CPED1: variants seen among roughly 807,000 people sequenced by gnomAD.
The protein encoded by CPED1 is cadherin-like and PC-esterase domain-containing protein 1.
A neutral mutation model predicts 128.2 loss-of-function variants in CPED1; 114 were observed. The ratio of observed to expected loss-of-function variants is 0.89; its 90% CI spans 0.76 to 1.04. CPED1 has a LOEUF of 1.04. Ranked by LOEUF, CPED1 falls within the 50% of genes least tolerant of loss-of-function variation. The pLI is 0.00. For synonymous variants in CPED1, 462 were observed against 426.7 expected (o/e 1.08, Z -1.02); for missense variants, 1,211 against 1,207.1 (o/e 1.00, Z -0.05).
At position 121,127,240 on chromosome 7, in the gene CPED1, AG is replaced by A; in HGVS notation, c.1286del (p.Arg429AsnfsTer14). The A allele has an allele frequency of 6.3e-7, 1 of 1,579,612 alleles. No individual in the cohort carries two copies. The highest frequency in any genetic ancestry group is 2.2e-5 in the East Asian group (1 of 44,474). ...IFSEIFQRLY[R>X]SDVFKGENYQ... is the part of the protein sequence containing the mutation. ...TTCTGAGATATTTCAGAGACTTTAT[AG>A]ATCAGATGTTTTCAAGGTAAGTGCA... On this transcript the variant is annotated frameshift_variant, in exon 10 of 23. Transcript: ENST00000310396. LOFTEE classifies it high-confidence loss of function.
At chr7:121,249,941 G>A (rs1395154934) in intron 18 of CPED1, among the ~76,000 whole-genome samples, 5 of 152,126 alleles carry the variant, frequency 3.3e-5, no homozygotes, top group Non-Finnish European at 5.9e-5. Flanking sequence ...GGATATCCAG[G>A]AATTGAACTC....
intron 2 of CPED1, among the ~76,000 whole-genome samples, chr7:120,990,152 C>T (rs1331045838): frequency 1.3e-5 from 2 of 152,132 alleles, no homozygotes; most frequent in Non-Finnish European, 2.9e-5. Flanking sequence ...GATGTGGATT[C>T]TTTCTAAAAT....
chr7:121,092,647 C>T (rs1283729579), intron 5 of CPED1, among the ~76,000 whole-genome samples: 1 of 152,164 alleles, frequency 6.6e-6, no homozygotes, highest in Non-Finnish European at 1.5e-5. Flanking sequence ...TTATACACTG[C>T]TTAAGAGGTG....
intron 4 of CPED1, among the ~76,000 whole-genome samples, chr7:121,060,391 G>T (rs538416631): frequency 6.6e-6 from 1 of 152,368 alleles, no homozygotes; most frequent in African/African-American, 2.4e-5. Flanking sequence ...GGTGAAGCCA[G>T]CTGAGCTCCT....
Position 121,124,458 on chromosome 7 carries a change from C to A in CPED1, c.1046C>A (p.Pro349Gln). 2 of 1,517,462 alleles carry A rather than the reference C, an allele frequency of 1.3e-6. No individual in the cohort carries two copies. Among genetic ancestry groups the A allele is most frequent in the Non-Finnish European group, 1.8e-6 (2 of 1,131,976 alleles). 94.0% of individuals were successfully genotyped at this position (1,517,462 alleles called of 1,614,324 possible). Residue 349 changes from proline to glutamine, a missense_variant, in exon 8 of 23, where the codon CCA becomes CAA. Transcript: ENST00000310396. ...TTCAGTGAAACATCTACTCTGGGAC[C>A]AAAGACCTTCCATAGGTAAAAAACA... ...EVFSETSTLG[P>Q]KTFHRCRFCF...
intron 18 of CPED1, among the ~76,000 whole-genome samples, chr7:121,246,663 A>G (rs1227746280): frequency 2.6e-5 from 4 of 152,208 alleles, no homozygotes; most frequent in African/African-American, 9.6e-5. Context: ...TAGTGTTTCA[A>G]CATATGCATT....
At chr7:121,011,687 T>G (rs896700908) in intron 2 of CPED1, among the ~76,000 whole-genome samples, 35 of 152,114 alleles carry the variant, frequency 2.3e-4, no homozygotes, top group African/African-American at 8.2e-4. Flanking sequence ...AACATAAGTT[T>G]CCAAGATATG....
intron 4 of CPED1, 88 bp downstream of exon 4, chr7:121,047,081 A>G (rs1036928534): frequency 2.5e-6 from 2 of 791,438 alleles, no homozygotes; most frequent in East Asian, 2.7e-5. Context: ...TAAGAGTCTT[A>G]AAGAATTAGA....
In CPED1 at chr7:121,158,328, A is replaced by G. The variant is rs142650598; in HGVS notation, c.2055+16187A>G. On this transcript the variant is annotated intron_variant, in intron 16 of 22. Coordinates refer to ENST00000310396, the MANE Select transcript of CPED1 (RefSeq NM_024913.5). ...GCTGCACTGACTGGGAGTCTTTGAC[A>G]TCCTCTTTCCCATGCTAAGTCCATC... 1.2e-3 allele frequency among the ~76,000 whole-genome samples: 176 copies of G among 152,304 alleles called. 1 individual carries two copies. Among genetic ancestry groups the G allele is most frequent in the African/African-American group, 4.1e-3 (171 of 41,558 alleles).
intron 16 of CPED1, among the ~76,000 whole-genome samples, chr7:121,215,054 T>C (rs1485311602): frequency 1.3e-5 from 2 of 152,072 alleles, no homozygotes; most frequent in African/African-American, 4.8e-5. Context: ...TTTACTCTTC[T>C]GCCATTTTGT....
At chr7:121,084,346 T>A (rs1215559154) in intron 5 of CPED1, among the ~76,000 whole-genome samples, 1 of 152,094 alleles carries the variant, frequency 6.6e-6, no homozygotes, top group African/African-American at 2.4e-5. Context: ...AAAATTAAGG[T>A]GAAAGTAATT....
intron 16 of CPED1, among the ~76,000 whole-genome samples, chr7:121,235,656 T>C (rs1405984813): frequency 6.6e-6 from 1 of 152,188 alleles, no homozygotes; most frequent in Non-Finnish European, 1.5e-5. Context: ...GTTTGTTGTA[T>C]GATAAGTACT....
At chr7:121,289,099 T>C (rs1792641072) in intron 22 of CPED1, among the ~76,000 whole-genome samples, 1 of 152,090 alleles carries the variant, frequency 6.6e-6, no homozygotes, top group Non-Finnish European at 1.5e-5. Context: ...AGACTATTAA[T>C]CAGTGGTTAA....
At chr7:121,248,746 G>T (rs1798599426) in intron 18 of CPED1, among the ~76,000 whole-genome samples, 1 of 152,022 alleles carries the variant, frequency 6.6e-6, no homozygotes, top group African/African-American at 2.4e-5. Flanking sequence ...GAAAGAATCA[G>T]CCTAAGAATT....
At chr7:121,183,709 A>G (rs1158124458) in intron 16 of CPED1, among the ~76,000 whole-genome samples, 1 of 152,190 alleles carries the variant, frequency 6.6e-6, no homozygotes, top group Non-Finnish European at 1.5e-5. Flanking sequence ...TATGTATTTT[A>G]ATTTTCAGGA....
At chr7:121,115,114 C>T (rs910071559) in intron 7 of CPED1, among the ~76,000 whole-genome samples, 10 of 151,956 alleles carry the variant, frequency 6.6e-5, no homozygotes, top group African/African-American at 2.2e-4. Context: ...TGACTGGTGG[C>T]AATGGAAAAA....
intron 4 of CPED1, among the ~76,000 whole-genome samples, chr7:121,054,304 T>A (rs935488652): frequency 6.6e-6 from 1 of 152,228 alleles, no homozygotes; most frequent in Non-Finnish European, 1.5e-5. Flanking sequence ...AGGTTTATTA[T>A]AGCCTTCTGC....
At chr7:121,086,259 GA>G (rs1481036887) in intron 5 of CPED1, among the ~76,000 whole-genome samples, 4 of 152,116 alleles carry the variant, frequency 2.6e-5, no homozygotes, top group Non-Finnish European at 5.9e-5. Flanking sequence ...CCCACAAAAT[GA>G]TATCTAAATT....
intron 22 of CPED1, among the ~76,000 whole-genome samples, chr7:121,275,826 G>A (rs575865901): frequency 6.6e-6 from 1 of 151,144 alleles, no homozygotes; most frequent in Admixed American, 6.6e-5. Flanking sequence ...TTAAATAAAA[G>A]ATTATTTGGC....
Sources: gnomAD v4.1 joint callset for allele counts (sites outside exome capture counted in the v4.1 genomes callset) on GRCh38, gnomAD v4.1.1 for gene constraint, MANE v1.5 for transcripts, NCBI Gene and HGNC (gene_info 2026-07-23, HGNC 2026-07-21) for gene names.